The following RFX4 variants were observed in gnomAD, a reference collection of about 807,000 sequenced individuals.
The protein encoded by RFX4 is transcription factor RFX4.
A neutral mutation model predicts 95.0 loss-of-function variants in RFX4; 10 were observed. The observed-to-expected ratio is 0.11, with a 90% CI of 0.06 to 0.18. RFX4 has a LOEUF of 0.18. Ranked by LOEUF, RFX4 falls within the 10% of genes least tolerant of loss-of-function variation. The pLI is 1.00. For synonymous variants in RFX4, 321 were observed against 340.7 expected, an observed-to-expected ratio of 0.94 and a Z score of 0.64; for missense variants, 640 against 922.0, an observed-to-expected ratio of 0.69 and a Z score of 3.96.
chr12:106,761,185 C>T lies in RFX4; in HGVS notation c.1936-12C>T, dbSNP rs373462268. The stretch of plus-strand genomic sequence containing the variant: ...AATTTTAACTTTGTGGAATTTCTTT[C>T]CCCTCAACAAGTACCCTTTTAATAG... On this transcript the variant is annotated splice_polypyrimidine_tract_variant and intron_variant, in intron 17 of 17. Coordinates refer to ENST00000392842, the MANE Select transcript of RFX4 (RefSeq NM_213594.3). 100 of 1,603,348 alleles carry T rather than the reference C, an allele frequency of 6.2e-5. No individual in the cohort carries two copies. The highest frequency in any genetic ancestry group is 8.0e-5 in the Non-Finnish European group (94 of 1,171,570).
At chr12:106,759,949 G>A (rs2043180486) in intron 17 of RFX4, among the ~76,000 whole-genome samples, 1 of 151,966 alleles carries the variant, frequency 6.6e-6, no homozygotes, top group Non-Finnish European at 1.5e-5. Context: ...GCTCCCCTTA[G>A]GCTCTCACTC....
intron 10 of RFX4, among the ~76,000 whole-genome samples, chr12:106,713,696 A>C (rs1032632774): frequency 1.3e-5 from 2 of 152,034 alleles, no homozygotes; most frequent in Non-Finnish European, 1.5e-5. Flanking sequence ...ACACTATCTC[A>C]AGGAATCCTC....
intron 5 of RFX4, among the ~76,000 whole-genome samples, chr12:106,686,411 CAAAAAAA>C (rs761963281): frequency 1.6e-5 from 1 of 63,374 alleles, no homozygotes; most frequent in Admixed American, 1.8e-4. Context: ...GACTCTGTCT[CAAAAAAA>C]AAAAAAAAGA....
At chr12:106,729,047 T>C (rs1296496621) in intron 13 of RFX4, among the ~76,000 whole-genome samples, 2 of 152,232 alleles carry the variant, frequency 1.3e-5, no homozygotes. Flanking sequence ...CTCTGATGTT[T>C]TCTAAGAGTA....
intron 17 of RFX4, among the ~76,000 whole-genome samples, chr12:106,760,494 C>G (rs1352396027): frequency 2.0e-5 from 3 of 152,334 alleles, no homozygotes; most frequent in Non-Finnish European, 4.4e-5. Context: ...CCGCCCCTCT[C>G]AACTGGTTTC....
Position 106,687,107 on chromosome 12 carries a change from AC to A in RFX4, c.591+11del. ...CCTGCCTGAGGAGAAGGTAACTACA[AC>A]TGAAGTGACTATTTGGGGTGGGTGG... On this transcript the variant is annotated intron_variant, in intron 6 of 17. Coordinates refer to ENST00000392842, the MANE Select transcript of RFX4 (RefSeq NM_213594.3). 1.9e-6 allele frequency: 3 copies of A among 1,610,986 alleles called. No individual in the cohort carries two copies. The highest frequency in any genetic ancestry group is 2.5e-6 in the Non-Finnish European group (3 of 1,178,802).
chr12:106,624,486 A>C (rs1164175136), intron 2 of RFX4, among the ~76,000 whole-genome samples: 5 of 151,966 alleles, frequency 3.3e-5, no homozygotes, highest in African/African-American at 9.7e-5. Flanking sequence ...CACCACGTCC[A>C]GCTACTTTTT....
At chr12:106,681,442 A>G (rs2041511029) in intron 4 of RFX4, among the ~76,000 whole-genome samples, 1 of 152,202 alleles carries the variant, frequency 6.6e-6, no homozygotes, top group Non-Finnish European at 1.5e-5. Context: ...CAGACGCCTG[A>G]ATGGTTAAAG....
At chr12:106,754,003 G>A (rs548290803) in intron 17 of RFX4, among the ~76,000 whole-genome samples, 4 of 152,304 alleles carry the variant, frequency 2.6e-5, no homozygotes, top group Non-Finnish European at 2.9e-5. Flanking sequence ...CAGGACTGAC[G>A]CTAGCATGGA....
intron 4 of RFX4, among the ~76,000 whole-genome samples, chr12:106,665,498 T>G (rs1390317566): frequency 6.6e-6 from 1 of 151,938 alleles, no homozygotes; most frequent in Non-Finnish European, 1.5e-5. Context: ...TAATTATTGA[T>G]AAAATTGGAT....
At chr12:106,611,571 C>A (rs1311502610) in intron 2 of RFX4, among the ~76,000 whole-genome samples, 1 of 151,056 alleles carries the variant, frequency 6.6e-6, no homozygotes, top group Non-Finnish European at 1.5e-5. Flanking sequence ...AGTACAGTGG[C>A]GCTGTCTCGG....
At chr12:106,740,744 T>C (rs2042790911) in intron 15 of RFX4, among the ~76,000 whole-genome samples, 1 of 152,138 alleles carries the variant, frequency 6.6e-6, no homozygotes, top group African/African-American at 2.4e-5. Flanking sequence ...ATGGTCAAAG[T>C]GCTATGTGTG....
chr12:106,687,959 A>C (rs2041695000), intron 6 of RFX4, among the ~76,000 whole-genome samples: 1 of 152,174 alleles, frequency 6.6e-6, no homozygotes, highest in Non-Finnish European at 1.5e-5. Flanking sequence ...ACAGTCAAAG[A>C]AGATTTTATA....
intron 17 of RFX4, among the ~76,000 whole-genome samples, chr12:106,756,353 T>G (rs1349755112): frequency 6.6e-6 from 1 of 152,204 alleles, no homozygotes; most frequent in Non-Finnish European, 1.5e-5. Context: ...ATAGTGGAAC[T>G]GGGGACCTTG....
chr12:106,623,100 A>G (rs938629342), intron 2 of RFX4, among the ~76,000 whole-genome samples: 6 of 139,596 alleles, frequency 4.3e-5, no homozygotes, highest in Non-Finnish European at 3.0e-5. Flanking sequence ...GTGCAGTGGC[A>G]TGAAATCGGC....
At chr12:106,592,905 G>A (rs76926376) in intron 1 of RFX4, among the ~76,000 whole-genome samples, 15,059 of 152,188 alleles carry the variant, frequency 0.099, 914 homozygotes, top group Non-Finnish European at 0.12. Flanking sequence ...AAATGTTTAC[G>A]AGAGGGAAAG....
intron 2 of RFX4, among the ~76,000 whole-genome samples, chr12:106,637,515 G>T (rs1779250598): frequency 1.3e-5 from 2 of 151,542 alleles, no homozygotes; most frequent in Admixed American, 1.3e-4. Flanking sequence ...TGATTTCATT[G>T]ATCTTTTTAA....
chr12:106,755,316 G>A lies in RFX4; in HGVS notation c.1935+4523G>A, dbSNP rs530022805. Reference sequence around the variant, plus strand: ...TCGCCATGTTGACCAGACATGTCTCGAACTCCTGGGCTCCAGTGATCCTCC... The same window carrying A: ...TCGCCATGTTGACCAGACATGTCTCAAACTCCTGGGCTCCAGTGATCCTCC... On this transcript the variant is annotated intron_variant, in intron 17 of 17. Coordinates refer to ENST00000392842, the MANE Select transcript of RFX4 (RefSeq NM_213594.3). Among the ~76,000 whole-genome samples, 15 of 152,208 alleles carry A rather than the reference G, an allele frequency of 9.9e-5. No homozygotes were observed. In the East Asian group the frequency reaches 2.3e-3, roughly 24 times the overall value.
intron 13 of RFX4, among the ~76,000 whole-genome samples, chr12:106,723,752 G>C (rs530488693): frequency 1.3e-5 from 2 of 152,266 alleles, no homozygotes; most frequent in African/African-American, 4.8e-5. Context: ...GACAGAATCT[G>C]CTAAATTGCA....
Sources: gnomAD v4.1 joint callset for allele counts (sites outside exome capture counted in the v4.1 genomes callset) on GRCh38, gnomAD v4.1.1 for gene constraint, MANE v1.5 for transcripts, NCBI Gene and HGNC (gene_info 2026-07-23, HGNC 2026-07-21) for gene names.